Variants in ELMO3 observed in about 807,000 individuals in gnomAD.
ELMO3 encodes the protein engulfment and cell motility 3, also known as engulfment and cell motility protein 3.
Under a neutral mutation model 89.0 loss-of-function variants are expected in ELMO3, and 81 were observed. That is an observed-to-expected ratio of 0.91 (90% confidence interval 0.76 to 1.09). The LOEUF (loss-of-function observed/expected upper bound fraction) is 1.09. ELMO3 is among the 50% of genes least tolerant of loss of function. The pLI is 0.00. For synonymous variants in ELMO3, 406 were observed against 400.6 expected, an observed-to-expected ratio of 1.01 and a Z score of -0.16; for missense variants, 959 against 972.8, an observed-to-expected ratio of 0.99 and a Z score of 0.19.
At chr16:67,202,327 A>G in intron 13 of ELMO3, 43 bp downstream of exon 13, 1 of 1,613,430 alleles carries the variant, frequency 6.2e-7, no homozygotes, top group South Asian at 1.1e-5. Context: ...AGAGCAGGGG[A>G]CGGAAGGGCA....
intron 1 of ELMO3, 22 bp downstream of exon 1, chr16:67,199,426 C>T (rs763837855): frequency 2.5e-6 from 4 of 1,601,376 alleles, no homozygotes; most frequent in East Asian, 2.2e-5. Flanking sequence ...GGTCCCGCCT[C>T]CATCTGCCCC....
Position 67,202,426 on chromosome 16 carries a change from A to G in ELMO3, c.1291A>G (p.Met431Val). The part of the protein sequence containing the change: ...CSETAQDFSP[M>V]FFGQDQSFHE... ...TGAGACAGCCCAGGACTTCTCACCCATGTTCTTCGGCCAAGACCAGAGCTT... is the reference window on the plus strand; with the variant it reads ...TGAGACAGCCCAGGACTTCTCACCCGTGTTCTTCGGCCAAGACCAGAGCTT... The change falls in exon 14 of 20, where the codon ATG becomes GTG. Residue 431 changes from methionine to valine, a missense_variant. Transcript: ENST00000393997. 1.2e-6 allele frequency: 2 copies of G among 1,613,862 alleles called. No homozygotes were observed. The highest frequency in any genetic ancestry group is 1.3e-5 in the African/African-American group (1 of 75,036).
At position 67,202,015 on chromosome 16, in the gene ELMO3, C is replaced by A. The variant is rs538854233; in HGVS notation, c.1089C>A (p.Pro363=). ...NPAQDLERVP[P]GLLALDNMLY... is the part of the protein sequence containing the mutation. ...CACAGGACCTGGAGCGCGTGCCCCC[C>A]GGTCTGCTGGCCCTGGACAACATGT... The change falls in exon 12 of 20, where the codon CCC becomes CCA. Residue 363 remains proline, a synonymous_variant. Transcript: ENST00000393997. 1.7e-5 allele frequency: 27 copies of A among 1,570,670 alleles called. No homozygotes were observed. The highest frequency in any genetic ancestry group is 1.7e-4 in the Middle Eastern group (1 of 5,878).
In ELMO3 at chr16:67,200,369, C is replaced by T. The variant is rs374005379; in HGVS notation, c.413+8C>T. ...CATTGAAGATGGGGACGAGTGAGCA[C>T]AGGGATGTGTGGGCTGGGGGAGATG... On this transcript the variant is annotated splice_region_variant and intron_variant, in intron 5 of 19. Transcript: ENST00000393997. 17 of 1,613,566 alleles carry T rather than the reference C, an allele frequency of 1.1e-5. No homozygotes were observed. The African/African-American group carries it at 2.1e-4, about 20-fold the overall frequency.
rs1366675560 is a variant in ELMO3, at chr16:67,200,321, G to A, written c.373G>A (p.Gly125Arg). 2 of 1,613,914 alleles carry A rather than the reference G, an allele frequency of 1.2e-6. No individual in the cohort carries two copies. The highest frequency in any genetic ancestry group is 1.1e-5 in the South Asian group (1 of 91,086). The stretch of plus-strand genomic sequence containing the variant: ...TGCCAGGGAGGTCATCAGCCGTAAT[G>A]GGCTCCAGATACTAGGCACCATCAT... ...IFAREVISRNGLQILGTIIED... is the reference protein window; with the variant it reads ...IFAREVISRNRLQILGTIIED... Residue 125 changes from glycine to arginine, a missense_variant, in exon 5 of 20, where the codon GGG (glycine) becomes AGG (arginine). Physicochemically the swap from Gly to Arg is moderately radical, Grantham distance 125. Transcript: ENST00000393997.
In ELMO3 at chr16:67,199,706, C is replaced by CGTAA; in HGVS notation, c.144_145insAAGT (p.Tyr49LysfsTer18). On this transcript the variant is annotated frameshift_variant, in exon 3 of 20. Coordinates refer to ENST00000393997, the MANE Select transcript of ELMO3 (RefSeq NM_024712.5). LOFTEE classifies it high-confidence loss of function. ...CAGGTGGAGCCTGACGCACTCTGAG[C>CGTAA]GTTACGCCCTGCAGTTTGCGGATGG... The CGTAA allele has an allele frequency of 6.2e-7, 1 of 1,610,910 alleles. No individual in the cohort carries two copies. The highest frequency in any genetic ancestry group is 8.5e-7 in the Non-Finnish European group (1 of 1,179,874).
rs200124982 is a variant in ELMO3 at position 67,202,507 on chromosome 16, C to G, written c.1372C>G (p.Arg458Gly). 6.2e-7 allele frequency: 1 copy of G among 1,612,082 alleles called. No individual in the cohort carries two copies. The highest frequency in any genetic ancestry group is 8.5e-7 in the Non-Finnish European group (1 of 1,179,854). ...QLLNKTWKEM[R>G]ATQEDFDKVM... ...GTTGAATAAGACCTGGAAGGAGATG[C>G]GGGCTACACAGGAGGACTTCGACAA... Residue 458 changes from arginine (R) to glycine (G), a missense_variant, in exon 14 of 20, where the codon CGG becomes GGG. Arg to Gly is a moderately radical substitution (Grantham distance 125). Coordinates refer to ENST00000393997, the MANE Select transcript of ELMO3 (RefSeq NM_024712.5).
In ELMO3 at chr16:67,199,558, G is replaced by A. The variant is rs372411876; in HGVS notation, c.84G>A (p.Lys28=). 9 of 1,601,056 alleles carry A rather than the reference G, an allele frequency of 5.6e-6. No homozygotes were observed. In the African/African-American group the frequency reaches 9.4e-5, roughly 17 times the overall value. Residue 28 remains lysine (K), a synonymous_variant, in exon 2 of 20, where the codon AAG becomes AAA. Transcript: ENST00000393997. The part of the protein sequence containing the change: ...IPQLIQLDQA[K]PLAAVLKEVC... The stretch of plus-strand genomic sequence containing the variant: ...AATGACCACTCCACTTGCAGGCGAA[G>A]CCCCTGGCCGCTGTGCTGAAGGAGG...
intron 12 of ELMO3, 22 bp from the exon 13 acceptor site, chr16:67,202,154 G>C: frequency 6.2e-7 from 1 of 1,600,394 alleles, no homozygotes; most frequent in Non-Finnish European, 8.5e-7. Context: ...GTGACTCCTT[G>C]CCCCATTCTC....
intron 4 of ELMO3, 83 bp from the exon 5 acceptor site, chr16:67,200,109 T>C (rs867432068): frequency 1.6e-5 from 26 of 1,575,958 alleles, no homozygotes; most frequent in Non-Finnish European, 2.1e-5. Context: ...GCCACCTAGT[T>C]GACGCCCGGG....
chr16:67,203,652 G>C lies in ELMO3; in HGVS notation c.1951-13G>C. The C allele has an allele frequency of 6.2e-7, 1 of 1,613,760 alleles. No homozygotes were observed. Among genetic ancestry groups the C allele is most frequent in the Non-Finnish European group, 8.5e-7 (1 of 1,179,892 alleles). On this transcript the variant is annotated splice_polypyrimidine_tract_variant and intron_variant, in intron 19 of 19. Transcript: ENST00000393997. This position sits in a 1 kb window ranked among gnomAD's most constrained non-coding sequence, Gnocchi z 4.6. Reference sequence around the variant, plus strand: ...CAGATGGGCAGACCCTCACGGCTCTGTGCCACCCCCAGTTCTACCTGTGGA... The same window carrying C: ...CAGATGGGCAGACCCTCACGGCTCTCTGCCACCCCCAGTTCTACCTGTGGA...
chr16:67,200,847 G>A (rs200243907), intron 7 of ELMO3, 39 bp downstream of exon 7: 2 of 1,613,610 alleles, frequency 1.2e-6, no homozygotes, highest in South Asian at 1.1e-5. Flanking sequence ...CAGGGAGCAG[G>A]GCTGGAGCCT....
Position 67,203,594 on chromosome 16 carries a change from G to T in ELMO3, c.1950+11G>T. The T allele has an allele frequency of 6.2e-7, 1 of 1,614,000 alleles. No homozygotes were observed. On this transcript the variant is annotated intron_variant, in intron 19 of 19. Coordinates refer to ENST00000393997, the MANE Select transcript of ELMO3 (RefSeq NM_024712.5). This position sits in a 1 kb window ranked among gnomAD's most constrained non-coding sequence, Gnocchi z 4.6. Reference sequence around the variant, plus strand: ...CCCTCCAAGCGGGAGGTGAGTGTCCGCCAGGCTGAGGTCGGCAGGTGGGCA... The same window carrying T: ...CCCTCCAAGCGGGAGGTGAGTGTCCTCCAGGCTGAGGTCGGCAGGTGGGCA...
Position 67,203,956 on chromosome 16 carries a change from C to A in ELMO3, c.*79C>A. 8.1e-7 allele frequency: 1 copy of A among 1,231,714 alleles called. No homozygotes were observed. The highest frequency in any genetic ancestry group is 1.1e-6 in the Non-Finnish European group (1 of 903,500). The allele number at this position is 1,231,714 out of a possible 1,614,324, so 76.3% of individuals were successfully genotyped here. A position where few individuals can be genotyped will look rare whatever the true frequency, so the allele number is the denominator to read the frequency against. ...CAGTGGGTAGAGGAGTGCAGGCACC[C>A]TGACCAGCAGAGATTGCTGCAGAAA... On this transcript the variant is annotated 3_prime_UTR_variant, in exon 20 of 20. Transcript: ENST00000393997. The surrounding 1 kb of genome is among the most constrained non-coding windows in gnomAD (Gnocchi z 4.6).
rs756909661 is a variant in ELMO3, at chr16:67,200,356, G to A, written c.408G>A (p.Gly136=). The A allele has an allele frequency of 6.2e-6, 10 of 1,613,784 alleles. No individual in the cohort carries two copies. The highest frequency in any genetic ancestry group is 8.5e-7 in the Non-Finnish European group (1 of 1,180,020). The stretch of plus-strand genomic sequence containing the variant: ...TACTAGGCACCATCATTGAAGATGG[G>A]GACGAGTGAGCACAGGGATGTGTGG... ...LQILGTIIED[G]DDLGEVLALS... is the part of the protein sequence containing the mutation. The change falls in exon 5 of 20, where the codon GGG becomes GGA. Residue 136 remains glycine, a synonymous_variant. Transcript: ENST00000393997.
At chr16:67,199,478 C>A in intron 1 of ELMO3, 74 bp downstream of exon 1, 1 of 1,078,458 alleles carries the variant, frequency 9.3e-7, no homozygotes. Flanking sequence ...TCGGGGCAGC[C>A]CGCCCCACCC....
chr16:67,199,326 C>T lies in ELMO3; in HGVS notation c.-1C>T. ...GCAGGCGCCCACGTCCCAGCTGGACCATGGCGCCTCCGCGGAACGTGGTGA... is the reference window on the plus strand; with the variant it reads ...GCAGGCGCCCACGTCCCAGCTGGACTATGGCGCCTCCGCGGAACGTGGTGA... On this transcript the variant is annotated 5_prime_UTR_variant, in exon 1 of 20. Transcript: ENST00000393997. 5 of 1,611,502 alleles carry T rather than the reference C, an allele frequency of 3.1e-6. No homozygotes were observed. The highest frequency in any genetic ancestry group is 4.2e-6 in the Non-Finnish European group (5 of 1,179,224).
At position 67,201,832 on chromosome 16, in the gene ELMO3, C is replaced by T. The variant is rs147009177; in HGVS notation, c.1009C>T (p.Arg337Cys). The change falls in exon 11 of 20, where the codon CGT (arginine) becomes TGT (cysteine). Residue 337 changes from arginine (R) to cysteine (C), a missense_variant. Arg to Cys is a radical substitution (Grantham distance 180). Coordinates refer to ENST00000393997, the MANE Select transcript of ELMO3 (RefSeq NM_024712.5). ...TGCCGGGCTAAGTGCTGACCGTCGC[C>T]GTTCCCTCTGTGCCCGAGAGTTCCG... Reference protein sequence around the residue: ...SGAGLSADRRRSLCAREFRKL... With the variant: ...SGAGLSADRRCSLCAREFRKL... 7.8e-5 allele frequency: 125 copies of T among 1,611,604 alleles called. No individual in the cohort carries two copies. The East Asian group carries it at 2.6e-3, about 34-fold the overall frequency.
At position 67,203,231 on chromosome 16, in the gene ELMO3, G is replaced by A. The variant is rs896967266; in HGVS notation, c.1780+8G>A. 101 of 1,600,936 alleles carry A rather than the reference G, an allele frequency of 6.3e-5. No homozygotes were observed. Among genetic ancestry groups the A allele is most frequent in the Non-Finnish European group, 8.0e-5 (94 of 1,177,028 alleles). On this transcript the variant is annotated splice_region_variant and intron_variant, in intron 17 of 19. Coordinates refer to ENST00000393997, the MANE Select transcript of ELMO3 (RefSeq NM_024712.5). This position sits in a 1 kb window ranked among gnomAD's most constrained non-coding sequence, Gnocchi z 4.6. ...AGAGTCTGCCCGAGCAACGTAAGGC[G>A]GGCAGGGGCGGGGGCCAGATACCTG...
Sources: allele counts gnomAD v4.1 joint callset, GRCh38; gene constraint gnomAD v4.1.1; non-coding constraint Gnocchi (gnomAD v3.1); transcripts MANE v1.5; gene names NCBI Gene and HGNC (gene_info 2026-07-23, HGNC 2026-07-21).